WDPCP: variants seen among roughly 807,000 people sequenced by gnomAD.
WDPCP encodes WD repeat containing planar cell polarity effector.
Under a neutral mutation model 93.1 loss-of-function variants are expected in WDPCP, and 71 were observed. That is an observed-to-expected ratio of 0.76 (90% CI 0.63 to 0.93). The LOEUF is 0.93. Ranked by LOEUF, WDPCP falls within the 40% of genes least tolerant of loss-of-function variation. The pLI is 0.00. For missense variants in WDPCP, 844 were observed against 887.4 expected (o/e 0.95, Z 0.62); for synonymous variants, 315 against 315.0 (o/e 1.00, Z 0.00).
At chr2:63,354,698 A>G (rs555037601) in intron 12 of WDPCP, among the ~76,000 whole-genome samples, 2 of 149,420 alleles carry the variant, frequency 1.3e-5, no homozygotes, top group South Asian at 2.1e-4. Context: ...ATGTGTGTGT[A>G]TGTATGTATA....
chr2:63,593,958 A>G (rs542733576), intron 3 of WDPCP, among the ~76,000 whole-genome samples: 2 of 152,304 alleles, frequency 1.3e-5, no homozygotes, highest in African/African-American at 2.4e-5. Flanking sequence ...GCTGTCTGTC[A>G]CTACATGTTG....
intron 1 of WDPCP, among the ~76,000 whole-genome samples, chr2:63,549,335 T>G (rs905508839): frequency 2.0e-5 from 3 of 150,906 alleles, no homozygotes; most frequent in African/African-American, 7.3e-5. Context: ...CAAAGGAAAT[T>G]TGAAGTAATT....
chr2:63,121,371 CTTTTCTTTCTT>C lies in WDPCP; in HGVS notation c.*624_*634del, dbSNP rs1447961566. 10 of 127,602 alleles carry C rather than the reference CTTTTCTTTCTT, an allele frequency of 7.8e-5. No homozygotes were observed. The highest frequency in any genetic ancestry group is 2.6e-4 in the African/African-American group (9 of 35,004). 7.9% of individuals were successfully genotyped at this position (127,602 alleles called of 1,614,324 possible). A position where few individuals can be genotyped will look rare whatever the true frequency, so the allele number is the denominator to read the frequency against. On this transcript the variant is annotated 3_prime_UTR_variant, in exon 18 of 18. Transcript: ENST00000272321. ...GAGCAGAAGAGGACTTTCTTTCTTT[CTTTTCTTTCTT>C]TTTTTTTTTTTTTTTTTTTGGAGAC...
intron 1 of WDPCP, among the ~76,000 whole-genome samples, chr2:63,568,543 G>T (rs1558820470): frequency 1.3e-5 from 2 of 152,128 alleles, no homozygotes; most frequent in Non-Finnish European, 2.9e-5. Flanking sequence ...TGCAGAAAGG[G>T]TACACTCACC....
chr2:63,313,345 G>A, intron 12 of WDPCP, 34 bp from the exon 13 acceptor site: 1 of 1,583,814 alleles, frequency 6.3e-7, no homozygotes, highest in South Asian at 1.1e-5. Flanking sequence ...TGTTAGTTGT[G>A]AACAAGAATA....
At chr2:63,304,402 T>G (rs1261075229) in intron 13 of WDPCP, among the ~76,000 whole-genome samples, 2 of 152,058 alleles carry the variant, frequency 1.3e-5, no homozygotes, top group African/African-American at 2.4e-5. Context: ...AAATTGAGAC[T>G]GGTTAGATGG....
At chr2:63,717,294 G>C in intron 2 of WDPCP, 2 of 542,020 alleles carry the variant, frequency 3.7e-6, no homozygotes, top group Non-Finnish European at 7.4e-6. Flanking sequence ...AACATGGCAA[G>C]ATGGTGGCAG....
intron 12 of WDPCP, among the ~76,000 whole-genome samples, chr2:63,353,872 C>T (rs1169244022): frequency 6.6e-6 from 1 of 152,102 alleles, no homozygotes; most frequent in African/African-American, 2.4e-5. Context: ...CTGCAGCAGC[C>T]CTATAGAAAA....
chr2:63,449,916 T>C (rs907853116), intron 6 of WDPCP, among the ~76,000 whole-genome samples: 2 of 152,130 alleles, frequency 1.3e-5, no homozygotes, highest in Non-Finnish European at 2.9e-5. Context: ...GCTACAGCAA[T>C]ACAGCACTGG....
chr2:63,520,969 G>A (rs998786925), intron 1 of WDPCP, among the ~76,000 whole-genome samples: 1 of 150,778 alleles, frequency 6.6e-6, no homozygotes, highest in African/African-American at 2.4e-5. Flanking sequence ...GATACTCAAA[G>A]GACAAATAAG....
In WDPCP at chr2:63,599,454, G is replaced by A. The variant is rs1043574609; in HGVS notation, n.488+51205C>T. 5.9e-5 allele frequency: 39 copies of A among 661,068 alleles called. No homozygotes were observed. In the African/African-American group the frequency reaches 7.1e-4, roughly 12 times the overall value. 41.0% of individuals were successfully genotyped at this position (661,068 alleles called of 1,614,324 possible). On this transcript the variant is annotated intron_variant and non_coding_transcript_variant, in intron 3 of 4. Transcript: ENST00000467687. ...AAAGTAAATTATTATTCATTTGTTA[G>A]GGAGTCTTTAAATGTATTCTCTTAA...
intron 14 of WDPCP, among the ~76,000 whole-genome samples, chr2:63,203,573 G>C (rs1676091591): frequency 6.6e-6 from 1 of 151,786 alleles, no homozygotes; most frequent in Non-Finnish European, 1.5e-5. Context: ...ACACTGTGTT[G>C]TGCTAGCAAA....
intron 1 of WDPCP, among the ~76,000 whole-genome samples, chr2:63,819,048 A>T (rs767524090): frequency 6.6e-6 from 1 of 152,214 alleles, no homozygotes; most frequent in Non-Finnish European, 1.5e-5. Flanking sequence ...GCACTCTTAT[A>T]TATGTTTTCT....
intron 1 of WDPCP, among the ~76,000 whole-genome samples, chr2:63,577,191 T>C (rs1028085894): frequency 3.3e-5 from 5 of 152,226 alleles, no homozygotes; most frequent in African/African-American, 4.8e-5. Context: ...CCAGACTTCA[T>C]GTCTCTAGAG....
intron 1 of WDPCP, among the ~76,000 whole-genome samples, chr2:63,581,571 T>C (rs1708497686): frequency 6.6e-6 from 1 of 152,148 alleles, no homozygotes; most frequent in Admixed American, 6.5e-5. Flanking sequence ...GAGTAGGAAA[T>C]TATTACCCCT....
At chr2:63,291,948 A>C (rs781581216) in intron 13 of WDPCP, among the ~76,000 whole-genome samples, 13 of 151,906 alleles carry the variant, frequency 8.6e-5, no homozygotes, top group Non-Finnish European at 1.6e-4. Context: ...TCTGGCCAAC[A>C]CGTTGAAACC....
At chr2:63,542,012 ACTCT>A (rs145170240) in intron 1 of WDPCP, among the ~76,000 whole-genome samples, 6,401 of 152,112 alleles carry the variant, frequency 0.042, 215 homozygotes, top group Non-Finnish European at 0.062. Context: ...ACACACACAC[ACTCT>A]CTATCAGTTC....
chr2:63,391,519 A>ACAG (rs1693246050), intron 10 of WDPCP, among the ~76,000 whole-genome samples: 1 of 151,770 alleles, frequency 6.6e-6, no homozygotes, highest in Non-Finnish European at 1.5e-5. Flanking sequence ...CCTATTCAAC[A>ACAG]TATTGGAAGT....
At chr2:63,501,974 T>C (rs1039786442) in intron 1 of WDPCP, among the ~76,000 whole-genome samples, 1 of 152,170 alleles carries the variant, frequency 6.6e-6, no homozygotes, top group Non-Finnish European at 1.5e-5. Context: ...TTATTGTTTT[T>C]TAAAAAATGC....
Sources: allele counts gnomAD v4.1 joint callset (sites outside exome capture counted in the v4.1 genomes callset), GRCh38; gene constraint gnomAD v4.1.1; transcripts MANE v1.5; gene names NCBI Gene and HGNC (gene_info 2026-07-23, HGNC 2026-07-21).